DLGAP1: variants seen among roughly 807,000 people sequenced by gnomAD.
DLGAP1 encodes the protein disks large-associated protein 1.
DLGAP1 carries 11 observed loss-of-function variants against 90.8 expected under a neutral mutation model. The ratio of observed to expected loss-of-function variants is 0.12; its 90% CI spans 0.08 to 0.20. The LOEUF (loss-of-function observed/expected upper bound fraction) is 0.20. DLGAP1 is among the 10% of genes least tolerant of loss of function. The pLI is 1.00. For synonymous variants in DLGAP1, 558 were observed against 540.7 expected (o/e 1.03, Z -0.44); for missense variants, 1,050 against 1,333.8 (o/e 0.79, Z 3.31).
chr18:3,844,662 G>C (rs557800113), intron 4 of DLGAP1, among the ~76,000 whole-genome samples: 1 of 152,132 alleles, frequency 6.6e-6, no homozygotes, highest in African/African-American at 2.4e-5. Context: ...CACATTACCA[G>C]CACGCTGTTA....
intron 7 of DLGAP1, among the ~76,000 whole-genome samples, chr18:3,582,679 T>C (rs931877260): frequency 2.0e-5 from 3 of 152,248 alleles, no homozygotes; most frequent in African/African-American, 7.2e-5. Context: ...TAGTGGTTGA[T>C]AATAAATATG....
At chr18:3,649,599 C>G (rs980772432) in intron 7 of DLGAP1, among the ~76,000 whole-genome samples, 1 of 152,062 alleles carries the variant, frequency 6.6e-6, no homozygotes, top group African/African-American at 2.4e-5. Context: ...CTGCAACTGC[C>G]CCAAGAGAAG....
intron 9 of DLGAP1, among the ~76,000 whole-genome samples, chr18:3,556,110 C>T (rs575038510): frequency 6.6e-6 from 1 of 152,310 alleles, no homozygotes; most frequent in South Asian, 2.1e-4. Flanking sequence ...GTCCGCTTTC[C>T]TCCAACCCCT....
intron 7 of DLGAP1, among the ~76,000 whole-genome samples, chr18:3,723,447 C>T (rs919533954): frequency 3.3e-5 from 5 of 152,054 alleles, no homozygotes; most frequent in Non-Finnish European, 7.4e-5. Context: ...TTGTGGAGTA[C>T]TTAAAGATTT....
intron 10 of DLGAP1, among the ~76,000 whole-genome samples, chr18:3,520,501 G>T (rs1568120422): frequency 6.6e-6 from 1 of 152,190 alleles, no homozygotes; most frequent in Non-Finnish European, 1.5e-5. Flanking sequence ...CGTTCTTAAA[G>T]AGGTGATTAA....
intron 1 of DLGAP1, among the ~76,000 whole-genome samples, chr18:4,216,049 C>A (rs1598638827): frequency 6.6e-6 from 1 of 152,076 alleles, no homozygotes; most frequent in African/African-American, 2.4e-5. Context: ...AAGACATACC[C>A]GAGACTGGGT....
At chr18:4,309,320 G>A (rs534472124) in intron 1 of DLGAP1, among the ~76,000 whole-genome samples, 11 of 152,276 alleles carry the variant, frequency 7.2e-5, no homozygotes, top group East Asian at 3.9e-4. Flanking sequence ...AATATATGGC[G>A]GAAGATAAGC....
chr18:3,979,239 C>A (rs528626922), intron 3 of DLGAP1, among the ~76,000 whole-genome samples: 45 of 126,156 alleles, frequency 3.6e-4, no homozygotes, highest in Non-Finnish European at 7.0e-4. Flanking sequence ...CTATTTTTAC[C>A]ATTTTTTTTC....
At chr18:3,835,879 C>T (rs1027860557) in intron 4 of DLGAP1, among the ~76,000 whole-genome samples, 20 of 152,126 alleles carry the variant, frequency 1.3e-4, no homozygotes, top group African/African-American at 4.3e-4. Context: ...CCCGCCATCG[C>T]CATCATTCTT....
chr18:4,279,279 T>G (rs1457800936), intron 1 of DLGAP1, among the ~76,000 whole-genome samples: 2 of 148,958 alleles, frequency 1.3e-5, no homozygotes, highest in Non-Finnish European at 3.0e-5. Context: ...ATAGAAATCC[T>G]TAAACATCCA....
At chr18:3,633,878 T>C (rs773862864) in intron 7 of DLGAP1, among the ~76,000 whole-genome samples, 17 of 152,202 alleles carry the variant, frequency 1.1e-4, no homozygotes, top group Non-Finnish European at 2.1e-4. Flanking sequence ...AGTAAAGGAA[T>C]AGTTAAATAA....
At chr18:4,361,663 A>G (rs922820170) in intron 1 of DLGAP1, among the ~76,000 whole-genome samples, 31 of 152,340 alleles carry the variant, frequency 2.0e-4, no homozygotes, top group Middle Eastern at 3.4e-3. Context: ...ACGATAAAAC[A>G]AAAGCTTCGA....
At chr18:3,820,895 A>C (rs2067371305) in intron 4 of DLGAP1, among the ~76,000 whole-genome samples, 1 of 152,218 alleles carries the variant, frequency 6.6e-6, no homozygotes, top group South Asian at 2.1e-4. Flanking sequence ...GAATAATCTC[A>C]ATGAGCTAGG....
In DLGAP1 at chr18:3,747,051, T is replaced by C. The variant is rs148211757; in HGVS notation, c.1173-4539A>G. On this transcript the variant is annotated intron_variant, in intron 5 of 12. Coordinates refer to ENST00000315677, the MANE Select transcript of DLGAP1 (RefSeq NM_004746.4). Reference sequence around the variant, plus strand: ...TCGAAAGTAAATCTCTTATTGCATTTTACTGTTACAAAAGATAAACTAGGC... The same window carrying C: ...TCGAAAGTAAATCTCTTATTGCATTCTACTGTTACAAAAGATAAACTAGGC... Among the ~76,000 whole-genome samples, 890 of 152,290 alleles carry C rather than the reference T, an allele frequency of 5.8e-3. 6 individuals are homozygous for C. Among genetic ancestry groups the C allele is most frequent in the Non-Finnish European group, 0.01 (682 of 68,018 alleles).
intron 1 of DLGAP1, among the ~76,000 whole-genome samples, chr18:4,281,541 C>T (rs964344251): frequency 6.6e-6 from 1 of 152,052 alleles, no homozygotes; most frequent in South Asian, 2.1e-4. Context: ...GAAACGAGAG[C>T]GAAACTCCAT....
intron 5 of DLGAP1, among the ~76,000 whole-genome samples, chr18:3,804,059 T>A (rs959786584): frequency 6.7e-6 from 1 of 149,308 alleles, no homozygotes; most frequent in African/African-American, 2.5e-5. Context: ...AGTGGCAAGA[T>A]CTTGGTTCAC....
At chr18:4,211,957 C>G (rs991746437) in intron 1 of DLGAP1, among the ~76,000 whole-genome samples, 4 of 152,150 alleles carry the variant, frequency 2.6e-5, no homozygotes, top group African/African-American at 9.7e-5. Context: ...ATATGTTCAG[C>G]AGTCCCAAGA....
intron 5 of DLGAP1, among the ~76,000 whole-genome samples, chr18:3,784,057 T>G (rs925574113): frequency 6.6e-6 from 1 of 152,218 alleles, no homozygotes; most frequent in East Asian, 1.9e-4. Context: ...AACAAAAGCA[T>G]AATTTCCAAA....
At chr18:4,203,000 G>A (rs1236195346) in intron 1 of DLGAP1, among the ~76,000 whole-genome samples, 6 of 152,158 alleles carry the variant, frequency 3.9e-5, no homozygotes, top group African/African-American at 9.7e-5. Flanking sequence ...TCTTGGCCAG[G>A]TGCCATGGCT....
Sources: gnomAD v4.1 joint callset for allele counts (sites outside exome capture counted in the v4.1 genomes callset) on GRCh38, gnomAD v4.1.1 for gene constraint, MANE v1.5 for transcripts, NCBI Gene and HGNC (gene_info 2026-07-23, HGNC 2026-07-21) for gene names.